The following RIPPLY3 variants were observed in gnomAD, a reference collection of about 807,000 sequenced individuals.
RIPPLY3 encodes the protein ripply transcriptional repressor 3.
RIPPLY3 carries 8 observed loss-of-function variants against 11.9 expected under a neutral mutation model. The ratio of observed to expected loss-of-function variants is 0.67; its 90% CI spans 0.40 to 1.21. The LOEUF is 1.21. Ranked by LOEUF, RIPPLY3 falls within the 50% of genes most tolerant of loss-of-function variation. The pLI is 0.01. For synonymous variants in RIPPLY3, 102 were observed against 99.0 expected (o/e 1.03, Z -0.18); for missense variants, 271 against 246.0 (o/e 1.10, Z -0.68).
intron 2 of RIPPLY3, among the ~76,000 whole-genome samples, chr21:37,011,326 G>T (rs1249296601): frequency 2.6e-5 from 4 of 152,160 alleles, no homozygotes. Context: ...AACTTTTAAA[G>T]CTGCATATGT....
rs1001634867 is a variant in RIPPLY3, at chr21:37,018,377, T to C, written c.*170T>C. ...GACAGAAAGTCAGCTTTTACTTTTC[T>C]TTCCCCTGGCAATTCGTTTTTGGTG... is the stretch of plus-strand genomic sequence containing the variant. On this transcript the variant is annotated 3_prime_UTR_variant, in exon 4 of 4. Transcript: ENST00000329553. 1 of 606,830 alleles carries C rather than the reference T, an allele frequency of 1.6e-6. No individual in the cohort carries two copies. The highest frequency in any genetic ancestry group is 1.9e-5 in the African/African-American group (1 of 54,036). 37.6% of individuals were successfully genotyped at this position (606,830 alleles called of 1,614,324 possible).
chr21:37,013,534 T>A lies in RIPPLY3; in HGVS notation c.172-17T>A, dbSNP rs763563288. Reference sequence around the variant, plus strand: ...CTCCTGCACTGTCTCTGTGTTTGTATGTGTCTGTCGTTACAGCTTGAACCT... The same window carrying A: ...CTCCTGCACTGTCTCTGTGTTTGTAAGTGTCTGTCGTTACAGCTTGAACCT... On this transcript the variant is annotated splice_polypyrimidine_tract_variant and intron_variant, in intron 2 of 3. Coordinates refer to ENST00000329553, the MANE Select transcript of RIPPLY3 (RefSeq NM_018962.3). 2 of 1,611,876 alleles carry A rather than the reference T, an allele frequency of 1.2e-6. No homozygotes were observed. The highest frequency in any genetic ancestry group is 1.7e-6 in the Non-Finnish European group (2 of 1,178,208).
chr21:37,015,681 G>A (rs775856283), intron 3 of RIPPLY3, among the ~76,000 whole-genome samples: 3 of 151,836 alleles, frequency 2.0e-5, no homozygotes, highest in Non-Finnish European at 2.9e-5. Context: ...TTTATCACCC[G>A]CAACTATGTT....
At chr21:37,011,984 GAGGCTCCTTAC>G (rs962075964) in intron 2 of RIPPLY3, among the ~76,000 whole-genome samples, 21 of 145,100 alleles carry the variant, frequency 1.4e-4, no homozygotes, top group Non-Finnish European at 3.0e-5. Flanking sequence ...AATGTCTGCA[GAGGCTCCTTAC>G]AGGCGAATTT....
chr21:37,013,150 T>C (rs2069544006), intron 2 of RIPPLY3, among the ~76,000 whole-genome samples: 1 of 152,126 alleles, frequency 6.6e-6, no homozygotes, highest in Non-Finnish European at 1.5e-5. Context: ...AAAATAGTCT[T>C]AGAATTGCAA....
intron 2 of RIPPLY3, among the ~76,000 whole-genome samples, chr21:37,012,291 G>A (rs1306020070): frequency 6.6e-6 from 1 of 151,398 alleles, no homozygotes; most frequent in Non-Finnish European, 1.5e-5. Context: ...AGGCTGGAGT[G>A]CAGTGGTGCA....
intron 3 of RIPPLY3, among the ~76,000 whole-genome samples, chr21:37,014,805 C>T (rs546133203): frequency 6.6e-6 from 1 of 152,120 alleles, no homozygotes; most frequent in South Asian, 2.1e-4. Flanking sequence ...CAGCTCACTG[C>T]AACCCCTGCC....
At chr21:37,010,805 C>T (rs768070107) in intron 2 of RIPPLY3, among the ~76,000 whole-genome samples, 3 of 152,176 alleles carry the variant, frequency 2.0e-5, no homozygotes, top group African/African-American at 4.8e-5. Context: ...AGGCTGACCC[C>T]CACTGAAAGC....
At chr21:37,006,692 A>T, upstream of RIPPLY3, 1 of 864,560 alleles carries the variant, frequency 1.2e-6, no homozygotes, top group Non-Finnish European at 1.5e-6. The surrounding 1 kb of genome is among the most constrained non-coding windows in gnomAD (Gnocchi z 5.2). Flanking sequence ...GCGCGCGGGT[A>T]GGTGAGCGCG....
At chr21:37,013,062 TC>T (rs1439795201) in intron 2 of RIPPLY3, among the ~76,000 whole-genome samples, 1 of 151,852 alleles carries the variant, frequency 6.6e-6, no homozygotes. Context: ...CCCGCCTCAA[TC>T]TCCCAAAATG....
chr21:37,018,134 G>A lies in RIPPLY3; in HGVS notation c.500G>A (p.Gly167Asp). The A allele has an allele frequency of 1.9e-6, 3 of 1,614,024 alleles. No homozygotes were observed. Among genetic ancestry groups the A allele is most frequent in the Non-Finnish European group, 1.7e-6 (2 of 1,179,992 alleles). The stretch of plus-strand genomic sequence containing the variant: ...CAAGGGCAGCGATCCTCAGGAGGGG[G>A]TGACCACTGGGGGGAGGGTCCGCTC... ...INQGQRSSGG[G>D]DHWGEGPLPQ... The change falls in exon 4 of 4, where the codon GGT becomes GAT. Residue 167 changes from glycine (G) to aspartate (D), a missense_variant. Coordinates refer to ENST00000329553, the MANE Select transcript of RIPPLY3 (RefSeq NM_018962.3).
In RIPPLY3 at chr21:37,018,084, A is replaced by G. The variant is rs2069598625; in HGVS notation, c.450A>G (p.Gly150=). The change falls in exon 4 of 4, where the codon GGA becomes GGG. Residue 150 remains glycine (G), a synonymous_variant. Coordinates refer to ENST00000329553, the MANE Select transcript of RIPPLY3 (RefSeq NM_018962.3). ...VGGRQENGPG[G]KGRDQGINQG... ...GTCGGCAGGAAAATGGCCCAGGGGG[A>G]AAGGGCAGAGACCAGGGCATCAACC... 2 of 1,613,868 alleles carry G rather than the reference A, an allele frequency of 1.2e-6. No homozygotes were observed. The highest frequency in any genetic ancestry group is 1.3e-5 in the African/African-American group (1 of 74,878).
intron 2 of RIPPLY3, 57 bp from the exon 3 acceptor site, chr21:37,013,494 T>C: frequency 6.8e-7 from 1 of 1,466,464 alleles, no homozygotes; most frequent in Non-Finnish European, 9.5e-7. Context: ...AACCTCAGGA[T>C]GTCACCTTCC....
In RIPPLY3 at chr21:37,006,815, C is replaced by A; in HGVS notation, c.43C>A (p.Arg15Ser). 3.3e-6 allele frequency: 4 copies of A among 1,230,100 alleles called. No homozygotes were observed. Among genetic ancestry groups the A allele is most frequent in the Non-Finnish European group, 4.1e-6 (4 of 986,948 alleles). 76.2% of individuals were successfully genotyped at this position (1,230,100 alleles called of 1,614,324 possible). The change falls in exon 1 of 4, where the codon CGC becomes AGC. Residue 15 changes from arginine (R) to serine (S), a missense_variant. Transcript: ENST00000329553. The surrounding 1 kb of genome is among the most constrained non-coding windows in gnomAD (Gnocchi z 5.2). ...GGCCGGAGCCCGGAAGGCGCGGGGGCGCGGCTGTCACTGCCCCGGGGACGC... is the reference window on the plus strand; with the variant it reads ...GGCCGGAGCCCGGAAGGCGCGGGGGAGCGGCTGTCACTGCCCCGGGGACGC... Reference protein sequence around the residue: ...AAAGARKARGRGCHCPGDAPW... With the variant: ...AAAGARKARGSGCHCPGDAPW...
intron 2 of RIPPLY3, among the ~76,000 whole-genome samples, chr21:37,011,777 C>T (rs1569286256): frequency 6.6e-6 from 1 of 151,634 alleles, no homozygotes; most frequent in Non-Finnish European, 1.5e-5. Context: ...CACGGTGAAA[C>T]CCCATCTCTA....
At chr21:37,013,913 C>T (rs2069551955) in intron 3 of RIPPLY3, among the ~76,000 whole-genome samples, 1 of 152,090 alleles carries the variant, frequency 6.6e-6, no homozygotes, top group Non-Finnish European at 1.5e-5. Flanking sequence ...TATATAATTG[C>T]ATGTGAATTG....
At chr21:37,017,751 G>A in intron 3 of RIPPLY3, 123 bp from the exon 4 acceptor site, 2 of 785,578 alleles carry the variant, frequency 2.5e-6, no homozygotes, top group Admixed American at 5.8e-5. Flanking sequence ...TCTGTGTGTT[G>A]TGAAGGCAAA....
chr21:37,006,802 G>A lies in RIPPLY3; in HGVS notation c.30G>A (p.Arg10=), dbSNP rs905218725. ...AGCCCGAAGCGGCGGCCGGAGCCCGGAAGGCGCGGGGGCGCGGCTGTCACT... is the reference window on the plus strand; with the variant it reads ...AGCCCGAAGCGGCGGCCGGAGCCCGAAAGGCGCGGGGGCGCGGCTGTCACT... MEPEAAAGA[R]KARGRGCHCP... is the part of the protein sequence containing the mutation. The change falls in exon 1 of 4, where the codon CGG becomes CGA. Residue 10 remains arginine (R), a synonymous_variant. Transcript: ENST00000329553. The surrounding 1 kb of genome is among the most constrained non-coding windows in gnomAD (Gnocchi z 5.2). 4.5e-4 allele frequency: 558 copies of A among 1,233,136 alleles called. No homozygotes were observed. The highest frequency in any genetic ancestry group is 5.4e-4 in the Non-Finnish European group (532 of 989,030). 76.4% of individuals were successfully genotyped at this position (1,233,136 alleles called of 1,614,324 possible).
chr21:37,015,875 A>ATT (rs1213665501), intron 3 of RIPPLY3, among the ~76,000 whole-genome samples: 1,359 of 121,932 alleles, frequency 0.011, 32 homozygotes, highest in African/African-American at 0.038. Context: ...CACCCAGCTA[A>ATT]TTTTTTTTTT....
Sources: allele counts gnomAD v4.1 joint callset (sites outside exome capture counted in the v4.1 genomes callset), GRCh38; gene constraint gnomAD v4.1.1; non-coding constraint Gnocchi (gnomAD v3.1); transcripts MANE v1.5; gene names NCBI Gene and HGNC (gene_info 2026-07-23, HGNC 2026-07-21).